The following GKAP1 variants were observed in gnomAD, a reference collection of about 807,000 sequenced individuals.
GKAP1 encodes the protein G kinase-anchoring protein 1.
Under a neutral mutation model 56.7 loss-of-function variants are expected in GKAP1, and 31 were observed. That is an observed-to-expected ratio of 0.55 (90% CI 0.41 to 0.74). The LOEUF (loss-of-function observed/expected upper bound fraction) is 0.74, where lower values mean the gene tolerates loss of function less well. Among genes scored for constraint, GKAP1 ranks in the 30% least tolerant of loss-of-function variants. GKAP1 has a pLI of 0.00. For synonymous variants in GKAP1, 151 were observed against 138.6 expected, an observed-to-expected ratio of 1.09 and a Z score of -0.63; for missense variants, 364 against 402.3, an observed-to-expected ratio of 0.90 and a Z score of 0.82.
intron 4 of GKAP1, among the ~76,000 whole-genome samples, chr9:83,797,721 G>C (rs1024642854): frequency 6.6e-6 from 1 of 152,176 alleles, no homozygotes; most frequent in Non-Finnish European, 1.5e-5. Context: ...CAATCAGTGG[G>C]AGCAGAAGAA....
Position 83,768,808 on chromosome 9 carries a change from C to T in GKAP1, c.738+10G>A, listed in dbSNP as rs1943706660. ...ACTGTGATTTTAAGAGAATTTTCTACTTTACATGCCTGGTTGTGTTCATGA... is the reference window on the plus strand; with the variant it reads ...ACTGTGATTTTAAGAGAATTTTCTATTTTACATGCCTGGTTGTGTTCATGA... On this transcript the variant is annotated intron_variant, in intron 8 of 12. Coordinates refer to ENST00000376371, the MANE Select transcript of GKAP1 (RefSeq NM_025211.4). 1.3e-6 allele frequency: 2 copies of T among 1,598,412 alleles called. No homozygotes were observed. Among genetic ancestry groups the T allele is most frequent in the Non-Finnish European group, 1.7e-6 (2 of 1,175,838 alleles).
At chr9:83,797,049 G>C (rs980586547) in intron 4 of GKAP1, among the ~76,000 whole-genome samples, 1 of 152,120 alleles carries the variant, frequency 6.6e-6, no homozygotes, top group African/African-American at 2.4e-5. Flanking sequence ...ATTGATACAA[G>C]ATCAACTGAG....
At chr9:83,756,458 G>A (rs1444372499) in intron 8 of GKAP1, among the ~76,000 whole-genome samples, 3 of 110,386 alleles carry the variant, frequency 2.7e-5, no homozygotes, top group African/African-American at 7.2e-5. Flanking sequence ...GCAACACAGT[G>A]AGACTCCATC....
chr9:83,794,750 C>T (rs933112267), intron 4 of GKAP1, among the ~76,000 whole-genome samples: 2 of 152,226 alleles, frequency 1.3e-5, no homozygotes, highest in Non-Finnish European at 2.9e-5. Context: ...AGTATCAGTG[C>T]ATCATGCATA....
intron 3 of GKAP1, among the ~76,000 whole-genome samples, chr9:83,802,316 T>C (rs1326579198): frequency 6.6e-6 from 1 of 151,750 alleles, no homozygotes; most frequent in Non-Finnish European, 1.5e-5. Context: ...CCATCTCTAC[T>C]AAAAATATAA....
At chr9:83,762,684 C>A (rs944814283) in intron 8 of GKAP1, among the ~76,000 whole-genome samples, 2 of 152,154 alleles carry the variant, frequency 1.3e-5, no homozygotes, top group East Asian at 3.8e-4. Context: ...TAACAAGGTA[C>A]TGGCATAAAC....
At chr9:83,742,819 A>G (rs1026847363) in intron 10 of GKAP1, among the ~76,000 whole-genome samples, 3 of 152,190 alleles carry the variant, frequency 2.0e-5, no homozygotes, top group South Asian at 2.1e-4. Context: ...GATCATCATC[A>G]GCACAGCATT....
chr9:83,808,683 T>C (rs757775355), intron 2 of GKAP1, among the ~76,000 whole-genome samples: 10 of 152,210 alleles, frequency 6.6e-5, no homozygotes, highest in Non-Finnish European at 1.2e-4. Flanking sequence ...CTATCATTAA[T>C]ATTCAATTTT....
At chr9:83,753,072 C>T in intron 9 of GKAP1, among the ~76,000 whole-genome samples, 186 bp downstream of exon 9, 1 of 103,642 alleles carries the variant, frequency 9.6e-6, no homozygotes, top group South Asian at 3.7e-4. Context: ...ACAACAACAA[C>T]AACAACAACA....
At chr9:83,742,685 T>C in intron 10 of GKAP1, 85 bp from the exon 11 acceptor site, 2 of 746,926 alleles carry the variant, frequency 2.7e-6, no homozygotes, top group Non-Finnish European at 4.6e-6. Flanking sequence ...GACATAGCAG[T>C]GCAATTAGAA....
At chr9:83,816,391 A>G (rs1318436337) in intron 2 of GKAP1, among the ~76,000 whole-genome samples, 1 of 152,202 alleles carries the variant, frequency 6.6e-6, no homozygotes, top group Non-Finnish European at 1.5e-5. Context: ...CAAAAAATAC[A>G]AGCAGGTACT....
At chr9:83,774,779 G>A (rs1462392607) in intron 7 of GKAP1, among the ~76,000 whole-genome samples, 1 of 127,244 alleles carries the variant, frequency 7.9e-6, no homozygotes, top group Non-Finnish European at 1.6e-5. Context: ...GTGCGATCTC[G>A]ACTCACTGCA....
chr9:83,808,489 CCA>C (rs1944467907), intron 2 of GKAP1, among the ~76,000 whole-genome samples: 1 of 152,020 alleles, frequency 6.6e-6, no homozygotes. Flanking sequence ...CCCAGCTACT[CCA>C]GAGGCTGAGG....
intron 7 of GKAP1, among the ~76,000 whole-genome samples, chr9:83,778,797 A>T (rs1339786340): frequency 6.6e-6 from 1 of 151,042 alleles, no homozygotes; most frequent in African/African-American, 2.5e-5. Context: ...ATTAGACTGT[A>T]TTTACAAATG....
chr9:83,807,567 G>A (rs1207618988), intron 2 of GKAP1, among the ~76,000 whole-genome samples: 1 of 152,138 alleles, frequency 6.6e-6, no homozygotes, highest in Non-Finnish European at 1.5e-5. Flanking sequence ...TTAACAAAAC[G>A]TTAACTGACT....
chr9:83,810,893 C>A (rs565751422), intron 2 of GKAP1, among the ~76,000 whole-genome samples: 3 of 152,324 alleles, frequency 2.0e-5, no homozygotes, highest in African/African-American at 7.2e-5. Context: ...CTAACTGGTA[C>A]AGCCTACTAT....
At position 83,799,182 on chromosome 9, in the gene GKAP1, T is replaced by C; in HGVS notation, c.360+3A>G. ...CAAAGCAATTTTATTTACTTAGTTG[T>C]ACCTGCTCATCTCTTTGTCTCCACT... is the stretch of plus-strand genomic sequence containing the variant. On this transcript the variant is annotated splice_donor_region_variant and intron_variant, in intron 4 of 12. Coordinates refer to ENST00000376371, the MANE Select transcript of GKAP1 (RefSeq NM_025211.4). 6.2e-7 allele frequency: 1 copy of C among 1,612,998 alleles called. No individual in the cohort carries two copies. The highest frequency in any genetic ancestry group is 8.5e-7 in the Non-Finnish European group (1 of 1,179,438).
intron 4 of GKAP1, 110 bp downstream of exon 4, chr9:83,799,075 C>T (rs966690254): frequency 2.3e-6 from 2 of 851,312 alleles, no homozygotes; most frequent in South Asian, 3.1e-5. Flanking sequence ...TGAATTAATC[C>T]AATACAAATT....
chr9:83,796,085 T>G (rs1330971511), intron 4 of GKAP1, among the ~76,000 whole-genome samples: 1 of 152,178 alleles, frequency 6.6e-6, no homozygotes, highest in Admixed American at 6.5e-5. Flanking sequence ...CAAGCTTAGA[T>G]TTTATCAAAA....
Sources: allele counts gnomAD v4.1 joint callset (sites outside exome capture counted in the v4.1 genomes callset), GRCh38; gene constraint gnomAD v4.1.1; transcripts MANE v1.5; gene names NCBI Gene and HGNC (gene_info 2026-07-23, HGNC 2026-07-21).